The following DOK6 variants were observed in gnomAD, a reference collection of about 807,000 sequenced individuals.
DOK6 encodes downstream of tyrosine kinase 6.
DOK6 carries 22 observed loss-of-function variants against 44.0 expected under a neutral mutation model. That is an observed-to-expected ratio of 0.50 (90% CI 0.36 to 0.71). DOK6 has a LOEUF of 0.71. Among genes scored for constraint, DOK6 ranks in the 30% least tolerant of loss-of-function variants. The pLI is 0.00. For missense variants in DOK6, 340 were observed against 416.4 expected, an observed-to-expected ratio of 0.82 and a Z score of 1.60; for synonymous variants, 166 against 145.5, an observed-to-expected ratio of 1.14 and a Z score of -1.01.
chr18:69,746,338 C>A (rs1475008069), intron 6 of DOK6, among the ~76,000 whole-genome samples: 2 of 152,032 alleles, frequency 1.3e-5, no homozygotes, highest in Admixed American at 6.6e-5. Context: ...ATGATCTTGG[C>A]TCTCTACCTC....
At chr18:69,803,191 G>A (rs1980953676) in intron 7 of DOK6, among the ~76,000 whole-genome samples, 4 of 151,874 alleles carry the variant, frequency 2.6e-5, no homozygotes, top group Admixed American at 2.6e-4. Context: ...AATAATTATT[G>A]AATTTAAAAG....
At chr18:69,623,422 G>T (rs1984488555) in intron 3 of DOK6, among the ~76,000 whole-genome samples, 1 of 152,020 alleles carries the variant, frequency 6.6e-6, no homozygotes, top group South Asian at 2.1e-4. Flanking sequence ...ATAAAAAAAA[G>T]ATAAAAATCT....
chr18:69,474,558 A>G (rs894475265), intron 1 of DOK6, among the ~76,000 whole-genome samples: 1 of 152,224 alleles, frequency 6.6e-6, no homozygotes, highest in Non-Finnish European at 1.5e-5. Flanking sequence ...TATGGTTTGT[A>G]CATGGTTTAA....
chr18:69,467,213 C>G (rs1396294876), intron 1 of DOK6, among the ~76,000 whole-genome samples: 1 of 152,084 alleles, frequency 6.6e-6, no homozygotes, highest in Non-Finnish European at 1.5e-5. Context: ...ACGCCATATT[C>G]TATTATAGCT....
At chr18:69,471,431 G>A (rs1007605708) in intron 1 of DOK6, among the ~76,000 whole-genome samples, 1 of 151,802 alleles carries the variant, frequency 6.6e-6, no homozygotes, top group Non-Finnish European at 1.5e-5. Context: ...GGGTAGAATT[G>A]AACAGTATGT....
intron 5 of DOK6, among the ~76,000 whole-genome samples, chr18:69,735,075 G>A (rs923197144): frequency 5.9e-5 from 9 of 152,150 alleles, no homozygotes; most frequent in African/African-American, 2.2e-4. Flanking sequence ...CTGGAGTTCG[G>A]TTTCCTTCAA....
chr18:69,680,362 C>T (rs1281493103), intron 4 of DOK6, among the ~76,000 whole-genome samples: 1 of 152,184 alleles, frequency 6.6e-6, no homozygotes, highest in Non-Finnish European at 1.5e-5. Flanking sequence ...ATTTGACTGC[C>T]AAGGCCACGG....
chr18:69,441,157 A>C (rs1278839694), intron 1 of DOK6, among the ~76,000 whole-genome samples: 1 of 152,114 alleles, frequency 6.6e-6, no homozygotes, highest in Non-Finnish European at 1.5e-5. Flanking sequence ...CCACCATAAA[A>C]ATACTCCTTA....
intron 2 of DOK6, among the ~76,000 whole-genome samples, chr18:69,581,471 G>A (rs1281468106): frequency 6.6e-6 from 1 of 152,166 alleles, no homozygotes; most frequent in Non-Finnish European, 1.5e-5. Flanking sequence ...AACTCTAGTA[G>A]CTACTATTAC....
At chr18:69,718,654 G>A (rs563845171) in intron 5 of DOK6, among the ~76,000 whole-genome samples, 40 of 152,194 alleles carry the variant, frequency 2.6e-4, no homozygotes, top group African/African-American at 9.6e-4. Context: ...TATGTTCATA[G>A]CTTTACCTCT....
intron 3 of DOK6, among the ~76,000 whole-genome samples, chr18:69,613,500 C>A (rs930274409): frequency 6.6e-6 from 1 of 151,896 alleles, no homozygotes; most frequent in African/African-American, 2.4e-5. Flanking sequence ...AAATAAACCA[C>A]TAATTATTTT....
chr18:69,428,068 C>T (rs972276476), intron 1 of DOK6, among the ~76,000 whole-genome samples: 10 of 152,174 alleles, frequency 6.6e-5, no homozygotes, highest in East Asian at 1.9e-4. Flanking sequence ...GTGAGCCATC[C>T]GGCCTGGCCT....
At chr18:69,672,622 T>A (rs1167166135) in intron 3 of DOK6, among the ~76,000 whole-genome samples, 1 of 145,548 alleles carries the variant, frequency 6.9e-6, no homozygotes, top group Non-Finnish European at 1.5e-5. Flanking sequence ...CCTGCCAAAG[T>A]GCTGGGATTA....
intron 7 of DOK6, among the ~76,000 whole-genome samples, chr18:69,798,640 G>A (rs776875206): frequency 1.3e-5 from 2 of 152,026 alleles, no homozygotes; most frequent in Middle Eastern, 3.4e-3. Flanking sequence ...AATCTTACCA[G>A]ATTTGGGGAG....
At chr18:69,483,947 A>G (rs1242756424) in intron 1 of DOK6, among the ~76,000 whole-genome samples, 1 of 152,072 alleles carries the variant, frequency 6.6e-6, no homozygotes, top group Non-Finnish European at 1.5e-5. Context: ...TCGTTTGAAT[A>G]ACTTAAATAT....
intron 7 of DOK6, among the ~76,000 whole-genome samples, chr18:69,839,480 C>A (rs566926297): frequency 5.3e-5 from 8 of 152,196 alleles, no homozygotes; most frequent in African/African-American, 1.9e-4. Flanking sequence ...TACCTTAACC[C>A]ATCCTTTAAC....
At chr18:69,759,842 G>A (rs1463123626) in intron 7 of DOK6, among the ~76,000 whole-genome samples, 1 of 152,104 alleles carries the variant, frequency 6.6e-6, no homozygotes, top group Admixed American at 6.6e-5. Flanking sequence ...TTCTCTGGTT[G>A]GTTGGTGATG....
chr18:69,551,639 A>T (rs112195876), intron 1 of DOK6, among the ~76,000 whole-genome samples: 15 of 152,362 alleles, frequency 9.8e-5, no homozygotes, highest in African/African-American at 3.4e-4. Flanking sequence ...ACACATATAT[A>T]GATTAGAAAC....
At chr18:69,796,460 G>C (rs1203679333) in intron 7 of DOK6, among the ~76,000 whole-genome samples, 1 of 152,110 alleles carries the variant, frequency 6.6e-6, no homozygotes, top group Non-Finnish European at 1.5e-5. Flanking sequence ...CTCTTTGCCA[G>C]CCTTCTAAGA....
Sources: allele counts gnomAD v4.1 joint callset (sites outside exome capture counted in the v4.1 genomes callset), GRCh38; gene constraint gnomAD v4.1.1; transcripts MANE v1.5; gene names NCBI Gene and HGNC (gene_info 2026-07-23, HGNC 2026-07-21).